Variants in ARHGAP30 observed in about 807,000 individuals in gnomAD.
ARHGAP30 encodes rho GTPase-activating protein 30.
In ARHGAP30, 23 loss-of-function variants were observed where a neutral mutation model predicts 72.0. That is an observed-to-expected ratio of 0.32 (90% confidence interval 0.23 to 0.45). ARHGAP30 has a LOEUF of 0.45. Ranked by LOEUF, ARHGAP30 falls within the 20% of genes least tolerant of loss-of-function variation. The pLI, the probability that ARHGAP30 is intolerant of heterozygous loss-of-function variation, is 1.00. For synonymous variants in ARHGAP30, 576 were observed against 528.2 expected, an observed-to-expected ratio of 1.09 and a Z score of -1.24; for missense variants, 1,319 against 1,383.4, an observed-to-expected ratio of 0.95 and a Z score of 0.74.
rs1415916024 is a variant in ARHGAP30, at chr1:161,049,143, G to C, written c.1878C>G (p.Ile626Met). ...LSPLLGPKPPIWKGSGSLEGE... is the reference protein window; with the variant it reads ...LSPLLGPKPPMWKGSGSLEGE... ...CCTCCAGACTCCCTGAACCCTTCCA[G>C]ATTGGGGGTTTAGGTCCCAGAAGGG... Residue 626 changes from isoleucine (I) to methionine (M), a missense_variant, in exon 12 of 12, where the codon ATC becomes ATG. This residue lies in a region of ARHGAP30 where 1,097 missense variants were observed against 1,045.2 expected (regional missense o/e 1.05). Transcript: ENST00000368013. 8.1e-6 allele frequency: 13 copies of C among 1,614,168 alleles called. No individual in the cohort carries two copies. The highest frequency in any genetic ancestry group is 1.0e-5 in the Non-Finnish European group (12 of 1,180,022).
In ARHGAP30 at chr1:161,052,633, C is replaced by G. The variant is rs747452804; in HGVS notation, c.829G>C (p.Glu277Gln). The change falls in exon 7 of 12, where the codon GAG becomes CAG. Residue 277 changes from glutamate (E) to glutamine (Q), a missense_variant. By Grantham distance (29) the Glu-to-Gln change is conservative. Transcript: ENST00000368013. ...RPYHTIIEIA[E>Q]HKRKGSLKVR... is the part of the protein sequence containing the mutation. ...CCAGGAAGGAGGCCTTACTTGTGCTCTGCAATCTCGATGATAGTATGGTAG... is the reference window on the plus strand; with the variant it reads ...CCAGGAAGGAGGCCTTACTTGTGCTGTGCAATCTCGATGATAGTATGGTAG... The G allele has an allele frequency of 6.2e-7, 1 of 1,613,806 alleles. No individual in the cohort carries two copies. Among genetic ancestry groups the G allele is most frequent in the Non-Finnish European group, 8.5e-7 (1 of 1,179,930 alleles).
intron 2 of ARHGAP30, among the ~76,000 whole-genome samples, chr1:161,058,762 G>A (rs1376912176): frequency 3.3e-5 from 5 of 150,362 alleles, no homozygotes; most frequent in African/African-American, 9.8e-5. Flanking sequence ...TCAGGAGGCC[G>A]AGGCAGGAGA....
chr1:161,066,644 C>CAAAAAAAAA (rs60662116), intron 1 of ARHGAP30, among the ~76,000 whole-genome samples: 1 of 75,082 alleles, frequency 1.3e-5, no homozygotes, highest in African/African-American at 6.8e-5. Context: ...GACTGCATCT[C>CAAAAAAAAA]AAAAAAAAAA....
Position 161,054,349 on chromosome 1 carries a change from C to T in ARHGAP30, c.536+17G>A, listed in dbSNP as rs373867590. 128 of 1,609,620 alleles carry T rather than the reference C, an allele frequency of 8.0e-5. No homozygotes were observed. Among genetic ancestry groups the T allele is most frequent in the Non-Finnish European group, 1.1e-4 (126 of 1,177,462 alleles). On this transcript the variant is annotated intron_variant, in intron 5 of 11. Coordinates refer to ENST00000368013, the MANE Select transcript of ARHGAP30 (RefSeq NM_001025598.2). ...TGTCTCACAGGATCCCCATACACTG[C>T]TCACACAGGCACCTACCTCAGCAGG... is the stretch of plus-strand genomic sequence containing the variant.
In ARHGAP30 at chr1:161,048,422, C is replaced by T. The variant is rs1297632917; in HGVS notation, c.2599G>A (p.Val867Ile). The T allele has an allele frequency of 1.9e-6, 3 of 1,613,990 alleles. No homozygotes were observed. Among genetic ancestry groups the T allele is most frequent in the Non-Finnish European group, 1.7e-6 (2 of 1,180,024 alleles). The change falls in exon 12 of 12, where the codon GTA (valine) becomes ATA (isoleucine). Residue 867 changes from valine (V) to isoleucine (I), a missense_variant. By Grantham distance (29) the Val-to-Ile change is conservative. Around this residue, in one of 2 missense-constraint regions of ARHGAP30, gnomAD observed 1,097 missense variants for 1,045.2 expected, o/e 1.05. Transcript: ENST00000368013. ...GCACAGTCAACCTCCAGGGACGCTA[C>T]ACCTGAACCTTCAGAGAGGGTGTCC... ...EEDTLSEGSG[V>I]ASLEVDCAKE...
rs1307389646 is a variant in ARHGAP30, at chr1:161,053,244, G to A, written c.664+14C>T. The stretch of plus-strand genomic sequence containing the variant: ...CCAACAGTGGGATATGTGGAGGGCA[G>A]GAAGGACACTGACCAGAGAGGGCAG... On this transcript the variant is annotated intron_variant, in intron 6 of 11. Coordinates refer to ENST00000368013, the MANE Select transcript of ARHGAP30 (RefSeq NM_001025598.2). The A allele has an allele frequency of 1.2e-6, 2 of 1,613,614 alleles. No individual in the cohort carries two copies. Among genetic ancestry groups the A allele is most frequent in the Admixed American group, 1.7e-5 (1 of 59,990 alleles).
rs567748117 is a variant in ARHGAP30 at position 161,062,348 on chromosome 1, G to C, written c.98-2632C>G. The stretch of plus-strand genomic sequence containing the variant: ...CAGACAATTCCTTGACAAATCCTAT[G>C]AGCCTTGGTAGCATCACTCATATTA... On this transcript the variant is annotated intron_variant, in intron 1 of 11. Transcript: ENST00000368013. Among the ~76,000 whole-genome samples, 12 of 152,160 alleles carry C rather than the reference G, an allele frequency of 7.9e-5. No individual in the cohort carries two copies. The South Asian group carries it at 2.5e-3, about 32-fold the overall frequency.
rs1049470248 is a variant in ARHGAP30 at position 161,069,268 on chromosome 1, C to G, written c.97+260G>C. Among the ~76,000 whole-genome samples the G allele has an allele frequency of 2.6e-5, 4 of 152,168 alleles. No homozygotes were observed. Among genetic ancestry groups the G allele is most frequent in the African/African-American group, 4.8e-5 (2 of 41,414 alleles). ...CGGTTTCCAGTCTCTCCATCCTCCC[C>G]CTCACTGCTACCTGGGTACTCACAT... On this transcript the variant is annotated intron_variant, in intron 1 of 11. Coordinates refer to ENST00000368013, the MANE Select transcript of ARHGAP30 (RefSeq NM_001025598.2). The surrounding 1 kb of genome is among the most constrained non-coding windows in gnomAD (Gnocchi z 4.9).
Position 161,063,850 on chromosome 1 carries a change from G to C in ARHGAP30, c.98-4134C>G, listed in dbSNP as rs572272015. 3.9e-5 allele frequency among the ~76,000 whole-genome samples: 6 copies of C among 152,274 alleles called. No homozygotes were observed. The South Asian group carries it at 1.2e-3, about 32-fold the overall frequency. On this transcript the variant is annotated intron_variant, in intron 1 of 11. Transcript: ENST00000368013. ...GTCTCTTATGGTCCAGATTGCAGAGGTGAAATAAACTCCAGTCTCCCATAG... is the reference window on the plus strand; with the variant it reads ...GTCTCTTATGGTCCAGATTGCAGAGCTGAAATAAACTCCAGTCTCCCATAG...
Position 161,047,905 on chromosome 1 carries a change from A to G in ARHGAP30, c.3116T>C (p.Ile1039Thr), listed in dbSNP as rs1206511273. The change falls in exon 12 of 12, where the codon ATC becomes ACC. Residue 1039 changes from isoleucine (I) to threonine (T), a missense_variant. Ile to Thr is a moderately conservative substitution (Grantham distance 89). This residue lies in a region of ARHGAP30 where 1,097 missense variants were observed against 1,045.2 expected (regional missense o/e 1.05). Transcript: ENST00000368013. The part of the protein sequence containing the change: ...LIPRTSPCSM[I>T]SAHSPRPLSC... ...AAGGGGCCGAGGAGAATGGGCAGAG[A>G]TCATGCTACAAGGGGAGGTTCTGGG... 4 of 1,612,718 alleles carry G rather than the reference A, an allele frequency of 2.5e-6. No homozygotes were observed. The highest frequency in any genetic ancestry group is 2.5e-6 in the Non-Finnish European group (3 of 1,179,366).
chr1:161,049,917 TC>T (rs922673725), intron 10 of ARHGAP30, among the ~76,000 whole-genome samples: 3 of 152,206 alleles, frequency 2.0e-5, no homozygotes, highest in African/African-American at 7.2e-5. Context: ...TGGCATTTTT[TC>T]CTCCAAACTA....
rs1392253155 is a variant in ARHGAP30, at chr1:161,047,268, G to A, written c.*447C>T. 4.9e-6 allele frequency: 1 copy of A among 202,670 alleles called. No individual in the cohort carries two copies. The highest frequency in any genetic ancestry group is 6.9e-5 in the South Asian group (1 of 14,430). 12.6% of individuals were successfully genotyped at this position (202,670 alleles called of 1,614,324 possible). ...GGACAGGAGGTATCTTAGGGTCCAA[G>A]AACATAACAGGAATGGGCAACTCTA... On this transcript the variant is annotated 3_prime_UTR_variant, in exon 12 of 12. Transcript: ENST00000368013.
chr1:161,062,301 G>C (rs764811155), intron 1 of ARHGAP30, among the ~76,000 whole-genome samples: 3 of 152,068 alleles, frequency 2.0e-5, no homozygotes, highest in African/African-American at 7.2e-5. Flanking sequence ...ATCAGGTCCA[G>C]ACACCATTTC....
chr1:161,059,397 T>TTGTG lies in ARHGAP30; in HGVS notation c.200+213_200+216dup, dbSNP rs146642677. 3.3e-5 allele frequency among the ~76,000 whole-genome samples: 5 copies of TTGTG among 150,392 alleles called. No individual in the cohort carries two copies. The East Asian group carries it at 5.8e-4, about 18-fold the overall frequency. On this transcript the variant is annotated intron_variant, in intron 2 of 11. Transcript: ENST00000368013. The stretch of plus-strand genomic sequence containing the variant: ...GGAATGGTGTATGTGAGAGTGGAGT[T>TTGTG]TGTGTGTGTGTGTGTGCTAAGTTGG...
chr1:161,057,285 G>T (rs1463389123), intron 2 of ARHGAP30, among the ~76,000 whole-genome samples: 1 of 151,792 alleles, frequency 6.6e-6, no homozygotes, highest in Non-Finnish European at 1.5e-5. Context: ...CTCCTGAGTA[G>T]CTGGACTACA....
chr1:161,055,486 C>T (rs1277791379), intron 3 of ARHGAP30, among the ~76,000 whole-genome samples: 1 of 151,912 alleles, frequency 6.6e-6, no homozygotes, highest in Non-Finnish European at 1.5e-5. Flanking sequence ...GAAGGAGACC[C>T]TGTCTCAAAA....
chr1:161,062,233 C>T (rs932457634), intron 1 of ARHGAP30, among the ~76,000 whole-genome samples: 19 of 152,138 alleles, frequency 1.2e-4, no homozygotes, highest in South Asian at 4.1e-4. Context: ...CATTGCTTAC[C>T]TTACAAATAC....
chr1:161,050,542 C>T (rs1651280856), intron 10 of ARHGAP30, among the ~76,000 whole-genome samples: 1 of 151,998 alleles, frequency 6.6e-6, no homozygotes, highest in Non-Finnish European at 1.5e-5. Flanking sequence ...CTCCTGACCT[C>T]CAGTGATCCA....
chr1:161,049,371 C>A, intron 11 of ARHGAP30, 37 bp from the exon 12 acceptor site: 1 of 1,600,866 alleles, frequency 6.2e-7, no homozygotes, highest in South Asian at 1.1e-5. Context: ...ACCAGGAGGC[C>A]CTGTCCACCC....
Sources: allele counts gnomAD v4.1 joint callset (sites outside exome capture counted in the v4.1 genomes callset), GRCh38; gene constraint gnomAD v4.1.1; regional missense constraint gnomAD v4.1.1; non-coding constraint Gnocchi (gnomAD v3.1); transcripts MANE v1.5; gene names NCBI Gene and HGNC (gene_info 2026-07-23, HGNC 2026-07-21).